Variants in CLEC3B observed in about 807,000 individuals in gnomAD.
CLEC3B encodes C-type lectin domain family 3 member B.
A neutral mutation model predicts 15.4 loss-of-function variants in CLEC3B; 13 were observed. The observed-to-expected ratio is 0.84, with a 90% CI of 0.55 to 1.34. The LOEUF is 1.34. CLEC3B is among the 40% of genes most tolerant of loss of function. CLEC3B has a pLI of 0.00. For missense variants in CLEC3B, 242 were observed against 268.6 expected, an observed-to-expected ratio of 0.90 and a Z score of 0.69; for synonymous variants, 112 against 114.7, an observed-to-expected ratio of 0.98 and a Z score of 0.15.
At chr3:45,029,787 T>G (rs771160592) in intron 1 of CLEC3B, among the ~76,000 whole-genome samples, 5 of 152,138 alleles carry the variant, frequency 3.3e-5, no homozygotes, top group African/African-American at 1.2e-4. Context: ...AGCTCTAAAC[T>G]TACACACACA....
rs751317349 is a variant in CLEC3B at position 45,026,378 on chromosome 3, G to A, written c.16G>A (p.Ala6Thr). 5 of 1,613,756 alleles carry A rather than the reference G, an allele frequency of 3.1e-6. No homozygotes were observed. The highest frequency in any genetic ancestry group is 1.7e-5 in the Admixed American group (1 of 59,982). Residue 6 changes from alanine to threonine, a missense_variant, in exon 1 of 3, where the codon GCC (alanine) becomes ACC (threonine). Ala to Thr is a moderately conservative substitution (Grantham distance 58). Coordinates refer to ENST00000296130, the MANE Select transcript of CLEC3B (RefSeq NM_003278.3). MELWG[A>T]YLLLCLFSLL... is the part of the protein sequence containing the mutation. ...GCGCAGCAGCATGGAGCTCTGGGGG[G>A]CCTACCTCCTCCTCTGCCTCTTCTC...
At chr3:45,027,936 T>TA (rs918901279) in intron 1 of CLEC3B, among the ~76,000 whole-genome samples, 110 of 148,612 alleles carry the variant, frequency 7.4e-4, no homozygotes, top group African/African-American at 1.2e-3. Flanking sequence ...AAACTCATGT[T>TA]AAAAAAAAAA....
rs758352607 is a variant in CLEC3B, at chr3:45,026,374, G to A, written c.12G>A (p.Trp4Ter). 6.2e-7 allele frequency: 1 copy of A among 1,613,828 alleles called. No individual in the cohort carries two copies. The highest frequency in any genetic ancestry group is 8.5e-7 in the Non-Finnish European group (1 of 1,179,926). The stretch of plus-strand genomic sequence containing the variant: ...GCCCGCGCAGCAGCATGGAGCTCTG[G>A]GGGGCCTACCTCCTCCTCTGCCTCT... MEL[W>*]GAYLLLCLFS... The change falls in exon 1 of 3, where the codon TGG becomes TGA. Residue 4 changes from tryptophan (W) to a stop codon, truncating the protein, a stop_gained. Coordinates refer to ENST00000296130, the MANE Select transcript of CLEC3B (RefSeq NM_003278.3). LOFTEE classifies it high-confidence loss of function.
intron 1 of CLEC3B, among the ~76,000 whole-genome samples, chr3:45,027,362 AACTAGTGCAGTGCATAAAGGGAC>A (rs1433626549): frequency 1.2e-4 from 19 of 152,226 alleles, no homozygotes; most frequent in Non-Finnish European, 7.3e-5. Flanking sequence ...ACTGGCCAGG[AACTAGTGCAGTGCATAAAGGGAC>A]ATCGGGGCCA....
At chr3:45,026,781 A>T (rs143122569) in intron 1 of CLEC3B, among the ~76,000 whole-genome samples, 5 of 152,306 alleles carry the variant, frequency 3.3e-5, no homozygotes, top group Middle Eastern at 3.4e-3. Flanking sequence ...GGCAGCGCTC[A>T]GCCCTTACCA....
At chr3:45,035,296 A>T (rs1399213469) in intron 2 of CLEC3B, among the ~76,000 whole-genome samples, 2 of 152,060 alleles carry the variant, frequency 1.3e-5, no homozygotes, top group African/African-American at 4.8e-5. Context: ...CCGCGGGAGC[A>T]CCAAGACCTC....
intron 1 of CLEC3B, chr3:45,030,070 A>G (rs999923897): frequency 3.0e-6 from 2 of 674,612 alleles, no homozygotes; most frequent in East Asian, 1.4e-4. Flanking sequence ...GTGGTACAGA[A>G]TGACACGTTA....
chr3:45,035,734 C>T lies in CLEC3B; in HGVS notation c.419C>T (p.Ala140Val). The T allele has an allele frequency of 4.3e-6, 7 of 1,613,722 alleles. No homozygotes were observed. Among genetic ancestry groups the T allele is most frequent in the Non-Finnish European group, 5.9e-6 (7 of 1,179,972 alleles). ...EIWLGLNDMA[A>V]EGTWVDMTGA... ...TGGCTGGGCCTCAACGACATGGCGG[C>T]CGAGGGCACCTGGGTGGACATGACC... is the stretch of plus-strand genomic sequence containing the variant. The change falls in exon 3 of 3, where the codon GCC becomes GTC. Residue 140 changes from alanine to valine, a missense_variant. Coordinates refer to ENST00000296130, the MANE Select transcript of CLEC3B (RefSeq NM_003278.3).
chr3:45,028,436 G>A (rs1356423523), intron 1 of CLEC3B, among the ~76,000 whole-genome samples: 1 of 152,160 alleles, frequency 6.6e-6, no homozygotes, highest in East Asian at 1.9e-4. Flanking sequence ...TACACGTGTA[G>A]TCCCAGCTAC....
At position 45,035,958 on chromosome 3, in the gene CLEC3B, A is replaced by C; in HGVS notation, c.*34A>C. 1 of 1,244,228 alleles carries C rather than the reference A, an allele frequency of 8.0e-7. No homozygotes were observed. The highest frequency in any genetic ancestry group is 1.3e-5 in the South Asian group (1 of 79,398). The allele number at this position is 1,244,228 out of a possible 1,614,324, so 77.1% of individuals were successfully genotyped here. ...GCGGGGGCCGTGGGGGGCCTGGAGGAGGGCAGGGGCCGCGGGAGGCCGGGA... is the reference window on the plus strand; with the variant it reads ...GCGGGGGCCGTGGGGGGCCTGGAGGCGGGCAGGGGCCGCGGGAGGCCGGGA... On this transcript the variant is annotated 3_prime_UTR_variant, in exon 3 of 3. Transcript: ENST00000296130.
Position 45,035,702 on chromosome 3 carries a change from C to T in CLEC3B, c.387C>T (p.Ala129=), listed in dbSNP as rs1266686413. The change falls in exon 3 of 3, where the codon GCC becomes GCT. Residue 129 remains alanine (A), a synonymous_variant. Transcript: ENST00000296130. ...EYLRQSVGNE[A]EIWLGLNDMA... is the part of the protein sequence containing the mutation. Reference sequence around the variant, plus strand: ...TGCGCCAGAGCGTGGGCAACGAGGCCGAGATCTGGCTGGGCCTCAACGACA... The same window carrying T: ...TGCGCCAGAGCGTGGGCAACGAGGCTGAGATCTGGCTGGGCCTCAACGACA... 3.1e-6 allele frequency: 5 copies of T among 1,613,852 alleles called. No individual in the cohort carries two copies. The South Asian group carries it at 4.4e-5, about 14-fold the overall frequency.
At chr3:45,031,091 T>C (rs939309) in intron 2 of CLEC3B, among the ~76,000 whole-genome samples, 166 bp downstream of exon 2, 91,677 of 152,148 alleles carry the variant, frequency 0.6, 28,691 homozygotes, top group East Asian at 0.9. Context: ...CTCTTTCTCT[T>C]GGGGAGATCC....
At chr3:45,031,840 C>A (rs1697561838) in intron 2 of CLEC3B, among the ~76,000 whole-genome samples, 1 of 133,246 alleles carries the variant, frequency 7.5e-6, no homozygotes, top group Admixed American at 7.6e-5. Context: ...ACATGTGAGC[C>A]CACTACATTC....
chr3:45,035,403 C>A, intron 2 of CLEC3B, 121 bp from the exon 3 acceptor site: 1 of 1,343,224 alleles, frequency 7.4e-7, no homozygotes, highest in Non-Finnish European at 1.0e-6. Context: ...GTCTAAGGGG[C>A]TGTCAGGACT....
In CLEC3B at chr3:45,026,516, T is replaced by TC. The variant is rs760260623; in HGVS notation, c.109+50dup. The TC allele has an allele frequency of 4.0e-6, 6 of 1,516,258 alleles. No homozygotes were observed. The East Asian group carries it at 1.1e-4, about 29-fold the overall frequency. 93.9% of individuals were successfully genotyped at this position (1,516,258 alleles called of 1,614,324 possible). ...CCTGTGCCATCTTCCAGGGAGCAGG[T>TC]CCCCCTCTCCTTAGTGTGTCCTCAT... On this transcript the variant is annotated intron_variant, in intron 1 of 2. Coordinates refer to ENST00000296130, the MANE Select transcript of CLEC3B (RefSeq NM_003278.3).
At chr3:45,035,480 G>C in intron 2 of CLEC3B, 44 bp from the exon 3 acceptor site, 1 of 1,555,910 alleles carries the variant, frequency 6.4e-7, no homozygotes, top group South Asian at 1.2e-5. Context: ...TTTGCCTGGG[G>C]AACAGGGGGA....
At position 45,027,189 on chromosome 3, in the gene CLEC3B, A is replaced by AC. The variant is rs567040535; in HGVS notation, c.109+725dup. On this transcript the variant is annotated intron_variant, in intron 1 of 2. Transcript: ENST00000296130. ...TGTCATGGCAATGGACGGGGCTGTC[A>AC]CCCCCCCAGGGAGCAGAGGCTAGAA... Among the ~76,000 whole-genome samples the AC allele has an allele frequency of 9.2e-5, 14 of 152,042 alleles. No homozygotes were observed. In the South Asian group the frequency reaches 1.5e-3, roughly 16 times the overall value.
intron 1 of CLEC3B, among the ~76,000 whole-genome samples, chr3:45,028,688 G>C (rs1576041962): frequency 6.6e-6 from 1 of 152,300 alleles, no homozygotes; most frequent in East Asian, 1.9e-4. Flanking sequence ...GGGATTCCTA[G>C]GAGCAGCCAG....
chr3:45,032,805 A>G (rs1697579732), intron 2 of CLEC3B, among the ~76,000 whole-genome samples: 1 of 152,224 alleles, frequency 6.6e-6, no homozygotes. Context: ...GTCTGCAAGT[A>G]GGTAGTTATA....
Sources: gnomAD v4.1 joint callset for allele counts (sites outside exome capture counted in the v4.1 genomes callset) on GRCh38, gnomAD v4.1.1 for gene constraint, MANE v1.5 for transcripts, NCBI Gene and HGNC (gene_info 2026-07-23, HGNC 2026-07-21) for gene names.